The following SCFD1 variants were observed in gnomAD, a reference collection of about 807,000 sequenced individuals.
SCFD1 encodes the protein sec1 family domain containing 1.
In SCFD1, 37 loss-of-function variants were observed where a neutral mutation model predicts 103.2. The observed-to-expected ratio is 0.36, with a 90% CI of 0.28 to 0.47. The LOEUF (loss-of-function observed/expected upper bound fraction) is 0.47. Among genes scored for constraint, SCFD1 ranks in the 20% least tolerant of loss-of-function variants. The pLI, the probability that SCFD1 is intolerant of heterozygous loss-of-function variation, is 1.00. For synonymous variants in SCFD1, 264 were observed against 245.0 expected, an observed-to-expected ratio of 1.08 and a Z score of -0.73; for missense variants, 639 against 761.2, an observed-to-expected ratio of 0.84 and a Z score of 1.89.
chr14:30,701,123 A>G (rs1291665552), intron 16 of SCFD1, among the ~76,000 whole-genome samples: 5 of 152,252 alleles, frequency 3.3e-5, no homozygotes, highest in African/African-American at 9.6e-5. Flanking sequence ...GCTGGTAGCA[A>G]TTTTTTGTTG....
intron 13 of SCFD1, 21 bp downstream of exon 13, chr14:30,674,018 CTT>C: frequency 6.4e-7 from 1 of 1,555,358 alleles, no homozygotes. Context: ...AGTATATCCT[CTT>C]TGAAGTCTTT....
At chr14:30,691,896 TTC>T (rs1241883235) in intron 14 of SCFD1, among the ~76,000 whole-genome samples, 1 of 152,124 alleles carries the variant, frequency 6.6e-6, no homozygotes, top group Non-Finnish European at 1.5e-5. Context: ...ATTTATATAG[TTC>T]CAGAAATTAG....
At chr14:30,681,602 G>A (rs1889487978) in intron 14 of SCFD1, among the ~76,000 whole-genome samples, 1 of 121,844 alleles carries the variant, frequency 8.2e-6, no homozygotes. Context: ...TTCAGTAAAA[G>A]CTCAATAGTT....
intron 10 of SCFD1, among the ~76,000 whole-genome samples, chr14:30,659,170 A>G (rs1878999012): frequency 6.8e-6 from 1 of 146,232 alleles, no homozygotes; most frequent in Admixed American, 6.8e-5. Flanking sequence ...TGTAGCTGCT[A>G]TAGTTTTTTT....
intron 3 of SCFD1, among the ~76,000 whole-genome samples, chr14:30,631,930 C>A (rs954975302): frequency 1.3e-5 from 2 of 151,064 alleles, no homozygotes; most frequent in Non-Finnish European, 1.5e-5. Context: ...CACCTGTAAT[C>A]CTAGCTACTT....
At chr14:30,724,962 T>C (rs1314853313) in intron 23 of SCFD1, among the ~76,000 whole-genome samples, 4 of 152,218 alleles carry the variant, frequency 2.6e-5, no homozygotes, top group African/African-American at 2.4e-5. Flanking sequence ...CCATTGCTTT[T>C]GTCAGGTTTG....
intron 1 of SCFD1, 168 bp downstream of exon 1, chr14:30,622,567 G>C: frequency 8.2e-7 from 1 of 1,223,036 alleles, no homozygotes; most frequent in Non-Finnish European, 1.1e-6. Context: ...ATTAGCTTGA[G>C]GACTCGGTTC....
At chr14:30,706,013 A>G (rs1891444137) in intron 18 of SCFD1, 128 bp downstream of exon 18, 2 of 653,316 alleles carry the variant, frequency 3.1e-6, no homozygotes, top group Non-Finnish European at 2.6e-6. Context: ...TGACATTTAG[A>G]TGGCTGAAGT....
At chr14:30,630,833 C>T in intron 3 of SCFD1, 1 of 332,280 alleles carries the variant, frequency 3.0e-6, no homozygotes, top group South Asian at 4.7e-5. Context: ...TCTCTTCCAG[C>T]TCTAAAAGTG....
chr14:30,654,244 C>T (rs1374558287), intron 10 of SCFD1, among the ~76,000 whole-genome samples: 3 of 152,274 alleles, frequency 2.0e-5, no homozygotes, highest in East Asian at 1.9e-4. Flanking sequence ...GATAGACAGA[C>T]GTTAAAGAAT....
intron 19 of SCFD1, among the ~76,000 whole-genome samples, chr14:30,709,972 A>G (rs910714672): frequency 6.6e-6 from 1 of 152,226 alleles, no homozygotes; most frequent in Admixed American, 6.5e-5. Context: ...CTTGTAACAT[A>G]TAACTCATAA....
intron 1 of SCFD1, among the ~76,000 whole-genome samples, chr14:30,627,803 T>TAA (rs558410184): frequency 9.4e-6 from 1 of 105,970 alleles, no homozygotes; most frequent in Non-Finnish European, 2.0e-5. Flanking sequence ...CACTCACACT[T>TAA]AAAAAAAAAA....
chr14:30,718,193 T>C (rs1892417205), intron 20 of SCFD1, among the ~76,000 whole-genome samples: 1 of 152,204 alleles, frequency 6.6e-6, no homozygotes, highest in Non-Finnish European at 1.5e-5. Flanking sequence ...CCAAGAAATG[T>C]TGTGACTTCC....
intron 14 of SCFD1, among the ~76,000 whole-genome samples, chr14:30,677,253 C>T (rs1338320652): frequency 6.6e-6 from 1 of 152,130 alleles, no homozygotes; most frequent in Non-Finnish European, 1.5e-5. Context: ...GCCTTAACCT[C>T]CTGGGCTCAA....
chr14:30,675,298 A>C (rs1888937106), intron 14 of SCFD1: 1 of 329,436 alleles, frequency 3.0e-6, no homozygotes, highest in Admixed American at 4.9e-5. Context: ...GGAATCTATG[A>C]TATTTCTATT....
intron 10 of SCFD1, among the ~76,000 whole-genome samples, chr14:30,668,535 C>T (rs1210999175): frequency 6.6e-6 from 1 of 152,050 alleles, no homozygotes; most frequent in Admixed American, 6.6e-5. Flanking sequence ...CAACAAAAGC[C>T]AAAATAGACA....
chr14:30,645,915 A>G (rs1330539371), intron 7 of SCFD1, among the ~76,000 whole-genome samples: 1 of 152,202 alleles, frequency 6.6e-6, no homozygotes, highest in Non-Finnish European at 1.5e-5. Context: ...GGGAATGCGT[A>G]CAGCTTTTGC....
At chr14:30,683,021 C>G in intron 14 of SCFD1, 2 of 1,278,552 alleles carry the variant, frequency 1.6e-6, no homozygotes, top group Non-Finnish European at 2.2e-6. Flanking sequence ...AAAGACGACA[C>G]AAGGACAGGC....
At chr14:30,727,213 A>C (rs1265275694) in intron 23 of SCFD1, among the ~76,000 whole-genome samples, 1 of 152,228 alleles carries the variant, frequency 6.6e-6, no homozygotes, top group African/African-American at 2.4e-5. Context: ...TACTATGAGT[A>C]GTTGGAAATG....
Sources: allele counts gnomAD v4.1 joint callset (sites outside exome capture counted in the v4.1 genomes callset), GRCh38; gene constraint gnomAD v4.1.1; transcripts MANE v1.5; gene names NCBI Gene and HGNC (gene_info 2026-07-23, HGNC 2026-07-21).